KLRG1: variants seen among roughly 807,000 people sequenced by gnomAD.
The protein encoded by KLRG1 is killer cell lectin like receptor G1.
A neutral mutation model predicts 21.8 loss-of-function variants in KLRG1; 16 were observed. The observed-to-expected ratio is 0.73, with a 90% CI of 0.50 to 1.11. The LOEUF is 1.11. Among genes scored for constraint, KLRG1 ranks in the 50% most tolerant of loss-of-function variants. The pLI, the probability that KLRG1 is intolerant of heterozygous loss-of-function variation, is 0.00. For missense variants in KLRG1, 173 were observed against 218.3 expected, an observed-to-expected ratio of 0.79 and a Z score of 1.31; for synonymous variants, 69 against 75.9, an observed-to-expected ratio of 0.91 and a Z score of 0.47.
the KLRG1 span, chr12:9,072,279 C>G: frequency 6.6e-7 from 1 of 1,513,418 alleles, no homozygotes; most frequent in Non-Finnish European, 9.0e-7. Flanking sequence ...TACTGTTGCA[C>G]TGCTTTACTT....
At chr12:9,137,330 GT>G in the KLRG1 span, among the ~76,000 whole-genome samples, 57 of 152,228 alleles carry the variant, frequency 3.7e-4, 2 homozygotes, top group African/African-American at 1.3e-3. Flanking sequence ...TCAAAGACCA[GT>G]TGACCTTTTA....
the KLRG1 span, chr12:9,065,065 C>G: frequency 6.6e-6 from 1 of 152,166 alleles, no homozygotes; most frequent in South Asian, 2.1e-4. Context: ...CCCTGAGCCC[C>G]GGGGCCACGG....
chr12:9,153,257 CTGAACGG>C, the KLRG1 span: 9 of 1,614,046 alleles, frequency 5.6e-6, no homozygotes, highest in African/African-American at 1.3e-5. Flanking sequence ...TCTGTGAATC[CTGAACGG>C]TGACCTGTGC....
chr12:9,015,597 A>G (rs776977589), downstream of KLRG1, among the ~76,000 whole-genome samples: 13 of 152,238 alleles, frequency 8.5e-5, no homozygotes, highest in Non-Finnish European at 1.9e-4. Context: ...CATTAGACAT[A>G]TCATCCAGAC....
the KLRG1 span, chr12:9,099,469 G>A: frequency 6.2e-7 from 1 of 1,609,348 alleles, no homozygotes; most frequent in Non-Finnish European, 8.5e-7. Flanking sequence ...GAGCAACCGA[G>A]CGACAGGAGC....
intron 1 of KLRG1, among the ~76,000 whole-genome samples, chr12:8,974,149 GT>G (rs996494741): frequency 6.7e-6 from 1 of 148,468 alleles, no homozygotes; most frequent in Non-Finnish European, 1.5e-5. Flanking sequence ...TCAGTTTTTT[GT>G]TTTTTTGTTT....
At chr12:9,148,218 T>G in the KLRG1 span, among the ~76,000 whole-genome samples, 2 of 152,210 alleles carry the variant, frequency 1.3e-5, no homozygotes, top group Non-Finnish European at 2.9e-5. Flanking sequence ...TTACTTCATA[T>G]AGTTGTCATA....
the KLRG1 span, among the ~76,000 whole-genome samples, chr12:9,061,106 G>C: frequency 6.6e-6 from 1 of 151,970 alleles, no homozygotes; most frequent in Non-Finnish European, 1.5e-5. Flanking sequence ...TCCAAGTAAA[G>C]CTTTTTTTAT....
the KLRG1 span, chr12:9,028,143 C>A: frequency 4.2e-5 from 23 of 543,810 alleles, no homozygotes; most frequent in Non-Finnish European, 6.1e-5. Flanking sequence ...GTGTCGTCGT[C>A]TTCTTCTTTT....
At chr12:9,094,356 T>TAC in the KLRG1 span, among the ~76,000 whole-genome samples, 1 of 143,842 alleles carries the variant, frequency 7.0e-6, no homozygotes, top group Non-Finnish European at 1.5e-5. Flanking sequence ...TATATATATA[T>TAC]ATATATATAT....
the KLRG1 span, chr12:9,029,052 C>T: frequency 1.8e-5 from 10 of 540,668 alleles, no homozygotes; most frequent in East Asian, 7.8e-5. Context: ...GAGCTTCCTC[C>T]GCTGGTCAGG....
the KLRG1 span, among the ~76,000 whole-genome samples, chr12:9,084,112 G>A: frequency 6.6e-6 from 1 of 152,012 alleles, no homozygotes; most frequent in South Asian, 2.1e-4. Context: ...TCAGAAATGA[G>A]GGAGAAATAA....
At chr12:9,212,652 G>A in the KLRG1 span, among the ~76,000 whole-genome samples, 3 of 152,078 alleles carry the variant, frequency 2.0e-5, no homozygotes, top group East Asian at 5.8e-4. Context: ...AATGTGAAAT[G>A]GGACAGTGAA....
At chr12:9,139,449 A>G in the KLRG1 span, among the ~76,000 whole-genome samples, 1 of 152,250 alleles carries the variant, frequency 6.6e-6, no homozygotes, top group East Asian at 1.9e-4. Context: ...CATTTGGTCT[A>G]TTGTGTTATT....
the KLRG1 span, chr12:9,156,442 G>A: frequency 6.5e-6 from 1 of 154,746 alleles, no homozygotes; most frequent in African/African-American, 2.4e-5. Flanking sequence ...TATGATGGTA[G>A]CTGAAAGGAG....
chr12:8,950,589 G>T lies in KLRG1; in HGVS notation c.-156+353G>T, dbSNP rs868490855. Among the ~76,000 whole-genome samples the T allele has an allele frequency of 3.3e-5, 5 of 152,046 alleles. No individual in the cohort carries two copies. The South Asian group carries it at 1.0e-3, about 32-fold the overall frequency. On this transcript the variant is annotated intron_variant, in intron 1 of 4. Coordinates refer to the KLRG1 transcript ENST00000539240. ...CCTGGCTTTAGCATGTTTTCATTCCGCTTCCACTCTTACGTTGCTTCTATG... is the reference window on the plus strand; with the variant it reads ...CCTGGCTTTAGCATGTTTTCATTCCTCTTCCACTCTTACGTTGCTTCTATG...
the KLRG1 span, among the ~76,000 whole-genome samples, chr12:9,212,683 T>C: frequency 6.6e-6 from 1 of 152,132 alleles, no homozygotes; most frequent in East Asian, 1.9e-4. Context: ...TGAATGAATG[T>C]GCAATAAAGT....
chr12:9,086,305 AT>A, the KLRG1 span, among the ~76,000 whole-genome samples: 1 of 152,210 alleles, frequency 6.6e-6, no homozygotes, highest in Non-Finnish European at 1.5e-5. Context: ...AGGTGGTAGG[AT>A]TGCTTGAACT....
At chr12:9,169,403 C>A in the KLRG1 span, 3 of 1,537,230 alleles carry the variant, frequency 2.0e-6, no homozygotes, top group Non-Finnish European at 2.6e-6. Context: ...CACAAGCCAG[C>A]ATGTTAATAA....
Sources: gnomAD v4.1 joint callset for allele counts (sites outside exome capture counted in the v4.1 genomes callset) on GRCh38, gnomAD v4.1.1 for gene constraint, MANE v1.5 for transcripts, NCBI Gene and HGNC (gene_info 2026-07-23, HGNC 2026-07-21) for gene names.